Variants in SVIL observed in about 807,000 individuals in gnomAD.
SVIL encodes archvillin.
SVIL carries 101 observed loss-of-function variants against 240.4 expected under a neutral mutation model. That is an observed-to-expected ratio of 0.42 (90% CI 0.36 to 0.50). SVIL has a LOEUF of 0.50. Ranked by LOEUF, SVIL falls within the 20% of genes least tolerant of loss-of-function variation. SVIL has a pLI of 0.01. For synonymous variants in SVIL, 999 were observed against 1,100.0 expected (o/e 0.91, Z 1.82); for missense variants, 2,512 against 2,818.7 (o/e 0.89, Z 2.46).
intron 1 of SVIL, among the ~76,000 whole-genome samples, chr10:29,603,617 G>C (rs151198379): frequency 1.1e-3 from 172 of 152,218 alleles, no homozygotes; most frequent in Non-Finnish European, 2.1e-3. Context: ...GCAGCTGGCT[G>C]GATCATGAGG....
intron 3 of SVIL, among the ~76,000 whole-genome samples, chr10:29,651,004 C>T (rs553301687): frequency 6.6e-6 from 1 of 152,318 alleles, no homozygotes; most frequent in South Asian, 2.1e-4. Flanking sequence ...TTGACCTAGA[C>T]TTTGAAAAAG....
chr10:29,615,051 A>G (rs1165112693), intron 1 of SVIL, among the ~76,000 whole-genome samples: 1 of 152,192 alleles, frequency 6.6e-6, no homozygotes, highest in Non-Finnish European at 1.5e-5. Flanking sequence ...AATACAAATC[A>G]TAACAAAAAG....
In SVIL at chr10:29,554,709, CA is replaced by C; in HGVS notation, c.160+73del. The C allele has an allele frequency of 3.5e-6, 5 of 1,433,434 alleles. No homozygotes were observed. The South Asian group carries it at 7.9e-5, about 23-fold the overall frequency. 88.8% of individuals were successfully genotyped at this position (1,433,434 alleles called of 1,614,324 possible). A position where few individuals can be genotyped will look rare whatever the true frequency, so the allele number is the denominator to read the frequency against. On this transcript the variant is annotated intron_variant, in intron 5 of 37. Coordinates refer to ENST00000355867, the MANE Select transcript of SVIL (RefSeq NM_021738.3). ...TGTGGAATATCTCATGTTCTGATAC[CA>C]CTGGGTGGAAAGGGCAACTCGTAAC... is the stretch of plus-strand genomic sequence containing the variant.
At chr10:29,544,633 G>A (rs1952467688) in intron 6 of SVIL, among the ~76,000 whole-genome samples, 1 of 151,532 alleles carries the variant, frequency 6.6e-6, no homozygotes, top group Admixed American at 6.6e-5. Flanking sequence ...GCGTGCATCT[G>A]TTAAGTCCCA....
intron 6 of SVIL, 80 bp from the exon 7 acceptor site, chr10:29,536,149 C>G (rs1338020349): frequency 7.5e-7 from 1 of 1,330,894 alleles, no homozygotes; most frequent in Non-Finnish European, 1.1e-6. Context: ...AACTTAAAAC[C>G]TAAAGGCTGA....
intron 1 of SVIL, among the ~76,000 whole-genome samples, chr10:29,576,988 C>T (rs7908680): frequency 0.13 from 20,507 of 152,072 alleles, 1,721 homozygotes; most frequent in East Asian, 0.27. Flanking sequence ...TCAAGCGATT[C>T]CCCTGCCTCA....
At chr10:29,672,467 C>T (rs1959855120) in intron 2 of SVIL, among the ~76,000 whole-genome samples, 1 of 152,076 alleles carries the variant, frequency 6.6e-6, no homozygotes, top group Non-Finnish European at 1.5e-5. Flanking sequence ...GAGCAAGATC[C>T]TGTCTCTAAA....
intron 2 of SVIL, among the ~76,000 whole-genome samples, chr10:29,663,684 T>C (rs1959183592): frequency 6.6e-6 from 1 of 152,220 alleles, no homozygotes; most frequent in African/African-American, 2.4e-5. Context: ...CATATGGACT[T>C]TTCCCTCTAA....
chr10:29,558,738 C>A (rs1020395991), intron 3 of SVIL, among the ~76,000 whole-genome samples: 2 of 151,274 alleles, frequency 1.3e-5, no homozygotes, highest in Non-Finnish European at 2.9e-5. Flanking sequence ...ACTAGTGTGG[C>A]TAACATGATG....
At chr10:29,655,427 G>A (rs376362872) in intron 3 of SVIL, among the ~76,000 whole-genome samples, 14 of 152,308 alleles carry the variant, frequency 9.2e-5, no homozygotes, top group African/African-American at 2.9e-4. Flanking sequence ...CACAGGAAGA[G>A]GAAACAGAGC....
intron 1 of SVIL, among the ~76,000 whole-genome samples, chr10:29,582,855 G>A (rs1956009241): frequency 6.6e-6 from 1 of 152,114 alleles, no homozygotes; most frequent in Non-Finnish European, 1.5e-5. Flanking sequence ...AGCTGCGGGG[G>A]CCCATGCCTC....
intron 1 of SVIL, among the ~76,000 whole-genome samples, chr10:29,709,705 G>A (rs1326193417): frequency 2.6e-5 from 4 of 152,144 alleles, no homozygotes; most frequent in Non-Finnish European, 4.4e-5. Context: ...GGTGGTTCCC[G>A]GTAAGTCTGG....
chr10:29,658,532 G>A (rs1056350617), intron 2 of SVIL, among the ~76,000 whole-genome samples: 18 of 152,222 alleles, frequency 1.2e-4, no homozygotes, highest in African/African-American at 4.3e-4. Context: ...TGAAGTGGGA[G>A]GACTGCTTGA....
chr10:29,733,251 G>A (rs558643494), intron 1 of SVIL, among the ~76,000 whole-genome samples: 105 of 152,282 alleles, frequency 6.9e-4, no homozygotes, highest in Middle Eastern at 3.4e-3. Context: ...GCACTGTGCC[G>A]AGTATCTCAT....
At chr10:29,570,121 T>C (rs1812869155) in intron 1 of SVIL, among the ~76,000 whole-genome samples, 1 of 152,242 alleles carries the variant, frequency 6.6e-6, no homozygotes, top group African/African-American at 2.4e-5. Context: ...ACAAAATATA[T>C]CAGATGTTGA....
chr10:29,527,751 A>G (rs1951037386), intron 12 of SVIL, among the ~76,000 whole-genome samples: 2 of 91,798 alleles, frequency 2.2e-5, no homozygotes, highest in Admixed American at 1.5e-4. Flanking sequence ...TTTTTGACAG[A>G]GTCTCACTCT....
chr10:29,687,538 C>G (rs1328623021), intron 1 of SVIL, among the ~76,000 whole-genome samples: 3 of 152,160 alleles, frequency 2.0e-5, no homozygotes, highest in African/African-American at 7.2e-5. Context: ...ACCAAAAATA[C>G]AAAAATTAGG....
chr10:29,591,139 T>A (rs1956374186), intron 1 of SVIL, among the ~76,000 whole-genome samples: 1 of 152,240 alleles, frequency 6.6e-6, no homozygotes, highest in African/African-American at 2.4e-5. Flanking sequence ...TAAAGATTAA[T>A]GTTTCACACA....
intron 1 of SVIL, among the ~76,000 whole-genome samples, chr10:29,606,623 A>G (rs1420928498): frequency 6.6e-6 from 1 of 152,210 alleles, no homozygotes; most frequent in Non-Finnish European, 1.5e-5. Context: ...CAAAATTAAC[A>G]ATATTATTTG....
Sources: allele counts gnomAD v4.1 joint callset (sites outside exome capture counted in the v4.1 genomes callset), GRCh38; gene constraint gnomAD v4.1.1; transcripts MANE v1.5; gene names NCBI Gene and HGNC (gene_info 2026-07-23, HGNC 2026-07-21).